SBF2: variants seen among roughly 807,000 people sequenced by gnomAD.
The protein encoded by SBF2 is SET binding factor 2.
A neutral mutation model predicts 225.2 loss-of-function variants in SBF2; 112 were observed. The observed-to-expected ratio is 0.50, with a 90% confidence interval of 0.43 to 0.58. The LOEUF is 0.58. Among genes scored for constraint, SBF2 ranks in the 20% least tolerant of loss-of-function variants. The pLI is 0.00. For synonymous variants in SBF2, 763 were observed against 773.3 expected (o/e 0.99, Z 0.22); for missense variants, 1,996 against 2,206.2 (o/e 0.90, Z 1.91).
intron 2 of SBF2, among the ~76,000 whole-genome samples, chr11:10,174,198 C>T (rs1351010782): frequency 3.3e-5 from 5 of 152,108 alleles, no homozygotes; most frequent in African/African-American, 7.2e-5. Context: ...AGGCTTCAGA[C>T]GATCAAAGTA....
intron 16 of SBF2, among the ~76,000 whole-genome samples, chr11:9,949,039 T>C (rs1865712709): frequency 1.3e-5 from 2 of 150,964 alleles, no homozygotes; most frequent in African/African-American, 4.9e-5. Context: ...TGTTTAATGG[T>C]GCCTGGACAA....
intron 9 of SBF2, 35 bp from the exon 10 acceptor site, chr11:9,994,033 T>C: frequency 8.7e-7 from 1 of 1,153,766 alleles, no homozygotes; most frequent in Non-Finnish European, 1.3e-6. Flanking sequence ...TAAAATATCA[T>C]AATATCAATG....
chr11:9,848,503 ATT>A (rs1166952269), intron 22 of SBF2, among the ~76,000 whole-genome samples: 1 of 152,232 alleles, frequency 6.6e-6, no homozygotes, highest in Non-Finnish European at 1.5e-5. Context: ...AATTACAGCA[ATT>A]TAAATGACCA....
intron 13 of SBF2, among the ~76,000 whole-genome samples, chr11:9,975,141 T>C (rs1946628347): frequency 6.6e-6 from 1 of 152,118 alleles, no homozygotes; most frequent in Non-Finnish European, 1.5e-5. Context: ...TATTACCATA[T>C]ATTCCAGCCT....
At chr11:9,814,971 G>A (rs1229065723) in intron 29 of SBF2, among the ~76,000 whole-genome samples, 1 of 152,106 alleles carries the variant, frequency 6.6e-6, no homozygotes, top group Non-Finnish European at 1.5e-5. Context: ...TTTGTTGGGA[G>A]AAAAAGGTAT....
chr11:10,082,788 G>C (rs1244628157), intron 2 of SBF2, among the ~76,000 whole-genome samples: 3 of 151,942 alleles, frequency 2.0e-5, no homozygotes, highest in African/African-American at 7.3e-5. Context: ...ATACTGAAGG[G>C]GGAAAAAGAT....
intron 1 of SBF2, among the ~76,000 whole-genome samples, chr11:10,293,282 T>C (rs1462173148): frequency 6.6e-6 from 1 of 152,240 alleles, no homozygotes; most frequent in Non-Finnish European, 1.5e-5. Flanking sequence ...ATTTGCCCAA[T>C]TGTTCCTTAC....
chr11:9,985,322 T>TTTTTG (rs1366611725), intron 13 of SBF2, among the ~76,000 whole-genome samples: 2 of 152,100 alleles, frequency 1.3e-5, no homozygotes, highest in Non-Finnish European at 2.9e-5. Context: ...TAGTTGTTTT[T>TTTTTG]TTTTGTTTTG....
At chr11:9,876,833 T>TG (rs1859292085) in intron 17 of SBF2, among the ~76,000 whole-genome samples, 1 of 152,028 alleles carries the variant, frequency 6.6e-6, no homozygotes, top group Admixed American at 6.5e-5. Flanking sequence ...TCTGCCTCCT[T>TG]GGTTCAACAA....
chr11:10,170,695 A>C (rs1185195455), intron 2 of SBF2, among the ~76,000 whole-genome samples: 1 of 151,986 alleles, frequency 6.6e-6, no homozygotes, highest in Non-Finnish European at 1.5e-5. Flanking sequence ...AATGTTATTG[A>C]TATTTTGACA....
intron 16 of SBF2, chr11:9,958,318 G>A (rs1406508222): frequency 6.6e-6 from 1 of 151,456 alleles, no homozygotes; most frequent in Non-Finnish European, 1.5e-5. Flanking sequence ...GATTAACTGG[G>A]CACAAGGAAT....
intron 30 of SBF2, 64 bp from the exon 31 acceptor site, chr11:9,809,066 G>C (rs1177215196): frequency 8.7e-6 from 11 of 1,266,064 alleles, no homozygotes; most frequent in Non-Finnish European, 1.2e-5. Flanking sequence ...GTCAGAGAGA[G>C]TTGCTTTCAA....
intron 6 of SBF2, among the ~76,000 whole-genome samples, chr11:10,025,714 C>A (rs1448747139): frequency 6.6e-6 from 1 of 152,124 alleles, no homozygotes; most frequent in Non-Finnish European, 1.5e-5. Flanking sequence ...ATTCTCATGC[C>A]TCAGCCTCCT....
intron 17 of SBF2, among the ~76,000 whole-genome samples, chr11:9,868,589 GCTTAA>G (rs1307394357): frequency 6.6e-6 from 1 of 152,046 alleles, no homozygotes; most frequent in Admixed American, 6.6e-5. Context: ...CAATCAGTTT[GCTTAA>G]CTTGAGTAGG....
At chr11:9,912,595 T>A (rs1862732402) in intron 16 of SBF2, among the ~76,000 whole-genome samples, 1 of 152,026 alleles carries the variant, frequency 6.6e-6, no homozygotes, top group Non-Finnish European at 1.5e-5. Flanking sequence ...AAGAAAAAAA[T>A]TCTAATTTTT....
At chr11:9,935,529 A>G (rs1864831296) in intron 16 of SBF2, among the ~76,000 whole-genome samples, 1 of 152,212 alleles carries the variant, frequency 6.6e-6, no homozygotes, top group Non-Finnish European at 1.5e-5. Flanking sequence ...AGAAAGCTGG[A>G]GGCATCATGG....
rs118048089 is a variant in SBF2, at chr11:10,198,586, A to G, written c.56-4599T>C. Among the ~76,000 whole-genome samples, 13 of 152,346 alleles carry G rather than the reference A, an allele frequency of 8.5e-5. No homozygotes were observed. In the East Asian group the frequency reaches 2.5e-3, roughly 29 times the overall value. On this transcript the variant is annotated intron_variant, in intron 1 of 39. Transcript: ENST00000256190. ...ACCAGCAACATTAGCTGCTAAAAAG[A>G]CAGTAAGCCTGTTCTTTGAAGCCAA... is the stretch of plus-strand genomic sequence containing the variant.
intron 2 of SBF2, among the ~76,000 whole-genome samples, chr11:10,048,475 A>C (rs886229737): frequency 1.3e-5 from 2 of 152,236 alleles, no homozygotes; most frequent in African/African-American, 4.8e-5. Context: ...TGCAATAAAA[A>C]AGTCAGTTTT....
At chr11:10,002,352 T>A (rs950426641) in intron 7 of SBF2, among the ~76,000 whole-genome samples, 12 of 152,218 alleles carry the variant, frequency 7.9e-5, no homozygotes, top group African/African-American at 2.9e-4. Context: ...TAAATATTTT[T>A]ACACTAATCA....
Sources: gnomAD v4.1 joint callset for allele counts (sites outside exome capture counted in the v4.1 genomes callset) on GRCh38, gnomAD v4.1.1 for gene constraint, MANE v1.5 for transcripts, NCBI Gene and HGNC (gene_info 2026-07-23, HGNC 2026-07-21) for gene names.